The following C7orf33 variants were observed in gnomAD, a reference collection of about 807,000 sequenced individuals.
The protein encoded by C7orf33 is uncharacterized protein C7orf33.
In C7orf33, 15 loss-of-function variants were observed where a neutral mutation model predicts 13.4. The observed-to-expected ratio is 1.12, with a 90% CI of 0.75 to 1.72. C7orf33 has a LOEUF of 1.72. Among genes scored for constraint, C7orf33 ranks in the 40% most tolerant of loss-of-function variants. C7orf33 has a pLI of 0.00. For missense variants in C7orf33, 187 were observed against 220.3 expected, an observed-to-expected ratio of 0.85 and a Z score of 0.96; for synonymous variants, 73 against 83.2, an observed-to-expected ratio of 0.88 and a Z score of 0.67.
At chr7:148,606,258 A>G (rs1038179562) in intron 1 of C7orf33, among the ~76,000 whole-genome samples, 2 of 152,204 alleles carry the variant, frequency 1.3e-5, no homozygotes, top group Non-Finnish European at 2.9e-5. Context: ...AGTACCTTCT[A>G]TGTGCTAGGC....
chr7:148,594,478 C>A (rs1310526970), intron 1 of C7orf33, among the ~76,000 whole-genome samples: 2 of 152,084 alleles, frequency 1.3e-5, no homozygotes, highest in African/African-American at 2.4e-5. Flanking sequence ...GCCCGACCAA[C>A]CTCTTTTCTT....
At chr7:148,594,789 G>C (rs944299353) in intron 1 of C7orf33, among the ~76,000 whole-genome samples, 1 of 152,118 alleles carries the variant, frequency 6.6e-6, no homozygotes. Flanking sequence ...TATCCTTACA[G>C]AGTGAGGTTT....
chr7:148,594,715 G>C (rs768529584), intron 1 of C7orf33, among the ~76,000 whole-genome samples: 7 of 152,026 alleles, frequency 4.6e-5, no homozygotes, highest in Non-Finnish European at 1.0e-4. Context: ...ATGGTTTAGG[G>C]AAAATATGAT....
chr7:148,612,012 A>G (rs899188320), intron 1 of C7orf33, among the ~76,000 whole-genome samples: 5 of 152,226 alleles, frequency 3.3e-5, no homozygotes, highest in Non-Finnish European at 7.3e-5. Flanking sequence ...ACCACACTGG[A>G]ATAGCAACCT....
intron 1 of C7orf33, among the ~76,000 whole-genome samples, chr7:148,601,617 G>A (rs2116894461): frequency 6.6e-6 from 1 of 152,336 alleles, no homozygotes; most frequent in South Asian, 2.1e-4. Context: ...AAAGTGCTGG[G>A]ATTATAGGCA....
chr7:148,606,454 T>C (rs1392376012), intron 1 of C7orf33, among the ~76,000 whole-genome samples: 1 of 152,174 alleles, frequency 6.6e-6, no homozygotes, highest in Admixed American at 6.5e-5. Flanking sequence ...CAGGTGATGC[T>C]GAAGTTGGTA....
In C7orf33 at chr7:148,591,230, A is replaced by G. The variant is rs1796266063; in HGVS notation, c.204+101A>G. On this transcript the variant is annotated intron_variant, in intron 1 of 2. Transcript: ENST00000307003. ...CCATGAATGTTTTTGACTCTCTACT[A>G]TGTGTTATGGAACTGGGCTTAACGA... 4 of 1,016,930 alleles carry G rather than the reference A, an allele frequency of 3.9e-6. No homozygotes were observed. In the South Asian group the frequency reaches 4.0e-5, roughly 10 times the overall value. The allele number at this position is 1,016,930 out of a possible 1,614,324, so 63.0% of individuals were successfully genotyped here.
chr7:148,609,254 C>G (rs979173874), intron 1 of C7orf33, among the ~76,000 whole-genome samples: 14 of 152,166 alleles, frequency 9.2e-5, no homozygotes, highest in Non-Finnish European at 1.6e-4. Context: ...GACAGGGTCT[C>G]TGTTACAAAC....
At chr7:148,601,507 G>A (rs913501287) in intron 1 of C7orf33, among the ~76,000 whole-genome samples, 22 of 150,952 alleles carry the variant, frequency 1.5e-4, no homozygotes, top group Middle Eastern at 3.5e-3. Flanking sequence ...CACCACACCT[G>A]TCTAAATTTT....
At chr7:148,594,466 G>A (rs1008337067) in intron 1 of C7orf33, among the ~76,000 whole-genome samples, 5 of 152,190 alleles carry the variant, frequency 3.3e-5, no homozygotes, top group East Asian at 1.9e-4. Flanking sequence ...GTGAACCACC[G>A]CGCCCGACCA....
chr7:148,603,474 C>G (rs778356968), intron 1 of C7orf33, among the ~76,000 whole-genome samples: 13 of 152,084 alleles, frequency 8.5e-5, no homozygotes, highest in Non-Finnish European at 1.8e-4. Flanking sequence ...CCACTGCACT[C>G]CAGCCTGGGC....
chr7:148,611,155 C>T (rs1438075034), intron 1 of C7orf33, among the ~76,000 whole-genome samples: 1 of 152,168 alleles, frequency 6.6e-6, no homozygotes, highest in Non-Finnish European at 1.5e-5. Flanking sequence ...TTCCCCATAA[C>T]TAGTGACATG....
intron 1 of C7orf33, among the ~76,000 whole-genome samples, chr7:148,602,549 G>C (rs567761917): frequency 6.6e-6 from 1 of 152,314 alleles, no homozygotes; most frequent in Admixed American, 6.5e-5. Flanking sequence ...AATGAGCCAA[G>C]ATTGTGCCAC....
In C7orf33 at chr7:148,615,621, G is replaced by A; in HGVS notation, c.*220G>A. 7 of 457,742 alleles carry A rather than the reference G, an allele frequency of 1.5e-5. No homozygotes were observed. The highest frequency in any genetic ancestry group is 1.5e-4 in the South Asian group (7 of 46,716). The allele number at this position is 457,742 out of a possible 1,614,324, so 28.4% of individuals were successfully genotyped here. The stretch of plus-strand genomic sequence containing the variant: ...ACCTGCAGGAATCTGTGTGGCATTT[G>A]TGCACTGGTGTGGGGCCCAGGAGAG... On this transcript the variant is annotated 3_prime_UTR_variant, in exon 3 of 3. Coordinates refer to ENST00000307003, the MANE Select transcript of C7orf33 (RefSeq NM_145304.4).
intron 1 of C7orf33, among the ~76,000 whole-genome samples, chr7:148,605,630 C>T (rs962410666): frequency 1.7e-4 from 26 of 152,170 alleles, no homozygotes; most frequent in South Asian, 2.1e-4. Context: ...TGACCTCATA[C>T]GGCCCATCTC....
At chr7:148,614,336 A>G in intron 2 of C7orf33, 40 bp downstream of exon 2, 1 of 1,583,820 alleles carries the variant, frequency 6.3e-7, no homozygotes, top group Non-Finnish European at 8.6e-7. Flanking sequence ...AGTTTAAGGA[A>G]ACCCACGGGA....
intron 1 of C7orf33, among the ~76,000 whole-genome samples, chr7:148,604,823 A>G (rs1220655142): frequency 6.6e-6 from 1 of 152,252 alleles, no homozygotes; most frequent in Non-Finnish European, 1.5e-5. Flanking sequence ...ACCAATAAAA[A>G]TATTTCCAAA....
chr7:148,598,890 C>T (rs1369718452), intron 1 of C7orf33, among the ~76,000 whole-genome samples: 1 of 150,964 alleles, frequency 6.6e-6, no homozygotes, highest in African/African-American at 2.4e-5. Flanking sequence ...AAGACAGAGT[C>T]TCACTCTTAT....
intron 1 of C7orf33, among the ~76,000 whole-genome samples, chr7:148,603,860 A>G (rs1351993024): frequency 6.6e-6 from 1 of 152,076 alleles, no homozygotes; most frequent in Admixed American, 6.5e-5. Flanking sequence ...AATTCAAGAC[A>G]CTTTATAGAA....
Sources: gnomAD v4.1 joint callset for allele counts (sites outside exome capture counted in the v4.1 genomes callset) on GRCh38, gnomAD v4.1.1 for gene constraint, MANE v1.5 for transcripts, NCBI Gene and HGNC (gene_info 2026-07-23, HGNC 2026-07-21) for gene names.